The following FMN2 variants were observed in gnomAD, a reference collection of about 807,000 sequenced individuals.
FMN2 encodes formin 2, also known as formin-2.
A neutral mutation model predicts 142.3 loss-of-function variants in FMN2; 51 were observed. The ratio of observed to expected loss-of-function variants is 0.36; its 90% CI spans 0.29 to 0.45. The LOEUF is 0.45. FMN2 is among the 20% of genes least tolerant of loss of function. FMN2 has a pLI of 1.00. For synonymous variants in FMN2, 882 were observed against 869.8 expected, an observed-to-expected ratio of 1.01 and a Z score of -0.25; for missense variants, 1,936 against 2,122.8, an observed-to-expected ratio of 0.91 and a Z score of 1.73.
chr1:240,299,681 G>A (rs923199444), intron 8 of FMN2, among the ~76,000 whole-genome samples: 1 of 152,018 alleles, frequency 6.6e-6, no homozygotes. Context: ...GGAGCCCCTG[G>A]AATTGCTAAG....
rs555149894 is a variant in FMN2, at chr1:240,469,727, C to A, written c.5061-2645C>A. 2.6e-5 allele frequency among the ~76,000 whole-genome samples: 4 copies of A among 152,316 alleles called. No individual in the cohort carries two copies. The South Asian group carries it at 8.3e-4, about 32-fold the overall frequency. ...CCCAGCCTTCCCACCCAGGATCCTC[C>A]TCCAGGACACAGTTGTACCTTATAC... On this transcript the variant is annotated intron_variant, in intron 16 of 17. Coordinates refer to ENST00000319653, the MANE Select transcript of FMN2 (RefSeq NM_020066.5).
chr1:240,143,191 CA>C, intron 2 of FMN2: 1 of 1,589,286 alleles, frequency 6.3e-7, no homozygotes, highest in Non-Finnish European at 8.6e-7. Context: ...TTATTGGTAC[CA>C]CTGCCCACCA....
chr1:240,357,384 G>A (rs1386315525), intron 14 of FMN2, among the ~76,000 whole-genome samples: 2 of 152,134 alleles, frequency 1.3e-5, no homozygotes, highest in Non-Finnish European at 1.5e-5. Flanking sequence ...TTTCCATACT[G>A]AATAGTGAAA....
chr1:240,236,786 A>G (rs1301615835), intron 6 of FMN2, among the ~76,000 whole-genome samples: 1 of 152,224 alleles, frequency 6.6e-6, no homozygotes, highest in African/African-American at 2.4e-5. Context: ...CCCATGACCC[A>G]GTCACCTCTC....
intron 15 of FMN2, among the ~76,000 whole-genome samples, chr1:240,404,406 G>A (rs1055707470): frequency 2.6e-5 from 4 of 152,208 alleles, no homozygotes; most frequent in East Asian, 1.9e-4. Flanking sequence ...TAGGCTGGCC[G>A]ACCAGGCAGG....
At position 240,093,734 on chromosome 1, in the gene FMN2, C is replaced by G. The variant is rs780352289; in HGVS notation, c.1615+10C>G. 3 of 1,316,348 alleles carry G rather than the reference C, an allele frequency of 2.3e-6. No homozygotes were observed. In the Admixed American group the frequency reaches 1.1e-4, roughly 49 times the overall value. The allele number at this position is 1,316,348 out of a possible 1,614,324, so 81.5% of individuals were successfully genotyped here. ...CAGAACGTGTTCACAGGTGAGCGCG[C>G]CCTGCTGCTGGCCTCCGGGTCTCAA... On this transcript the variant is annotated intron_variant, in intron 1 of 17. Transcript: ENST00000319653.
intron 1 of FMN2, among the ~76,000 whole-genome samples, chr1:240,110,270 T>C (rs1661763301): frequency 6.6e-6 from 1 of 152,020 alleles, no homozygotes. Context: ...TTTCTAATCT[T>C]ATGACTTCGG....
intron 7 of FMN2, among the ~76,000 whole-genome samples, chr1:240,285,793 C>A (rs535236605): frequency 6.6e-4 from 100 of 152,278 alleles, no homozygotes; most frequent in Non-Finnish European, 1.1e-3. Context: ...AGAGCAAAGA[C>A]TTGATGAGTG....
intron 8 of FMN2, among the ~76,000 whole-genome samples, chr1:240,297,104 T>C (rs1183588234): frequency 6.6e-6 from 1 of 152,128 alleles, no homozygotes; most frequent in Non-Finnish European, 1.5e-5. Flanking sequence ...TGATTTAAGA[T>C]GTTGGTGTGT....
intron 15 of FMN2, among the ~76,000 whole-genome samples, chr1:240,435,171 A>G (rs1320445549): frequency 1.4e-5 from 2 of 144,442 alleles, no homozygotes; most frequent in Non-Finnish European, 2.9e-5. Context: ...GTGAATACAT[A>G]TATTACTACT....
At chr1:240,241,558 A>AT (rs956039251) in intron 6 of FMN2, among the ~76,000 whole-genome samples, 1 of 152,060 alleles carries the variant, frequency 6.6e-6, no homozygotes, top group Admixed American at 6.6e-5. Context: ...TCTTTCAGCC[A>AT]TTTTTCATAC....
intron 2 of FMN2, among the ~76,000 whole-genome samples, chr1:240,147,987 G>A (rs1423474897): frequency 6.6e-6 from 1 of 152,230 alleles, no homozygotes; most frequent in African/African-American, 2.4e-5. Context: ...CATGGAAGCT[G>A]CTCTTGTCTT....
chr1:240,456,630 A>G (rs1419661269), intron 16 of FMN2, among the ~76,000 whole-genome samples: 1 of 152,044 alleles, frequency 6.6e-6, no homozygotes, highest in Non-Finnish European at 1.5e-5. Context: ...CTAACTTTGT[A>G]TTTTTAGTAG....
chr1:240,355,768 G>T (rs745508815), intron 13 of FMN2, 48 bp from the exon 14 acceptor site: 2 of 1,369,286 alleles, frequency 1.5e-6, no homozygotes, highest in Non-Finnish European at 2.1e-6. Flanking sequence ...TTGCCTTAAT[G>T]CTCCACTAAC....
chr1:240,261,150 T>C (rs1490443194), intron 7 of FMN2, among the ~76,000 whole-genome samples: 1 of 152,218 alleles, frequency 6.6e-6, no homozygotes, highest in Non-Finnish European at 1.5e-5. Context: ...TTTTGGTGAC[T>C]ATGGCCTTAT....
At chr1:240,460,159 T>C (rs544293527) in intron 16 of FMN2, among the ~76,000 whole-genome samples, 1 of 152,370 alleles carries the variant, frequency 6.6e-6, no homozygotes, top group East Asian at 1.9e-4. Context: ...CGACTACTTT[T>C]GCTTGAAAAG....
chr1:240,360,799 G>T (rs901061947), intron 14 of FMN2, among the ~76,000 whole-genome samples: 6 of 152,058 alleles, frequency 3.9e-5, no homozygotes, highest in African/African-American at 1.4e-4. Flanking sequence ...CCATAAAAAA[G>T]GATGAGTTCA....
chr1:240,293,402 C>G (rs1000567861), intron 7 of FMN2, among the ~76,000 whole-genome samples: 1 of 152,014 alleles, frequency 6.6e-6, no homozygotes, highest in Non-Finnish European at 1.5e-5. Context: ...AATCAGAAAC[C>G]TTTGGATTCA....
intron 7 of FMN2, among the ~76,000 whole-genome samples, chr1:240,281,173 T>G (rs1669385974): frequency 6.6e-6 from 1 of 152,172 alleles, no homozygotes; most frequent in East Asian, 1.9e-4. Flanking sequence ...ATGCTTGAGA[T>G]GTACCAGTGT....
Sources: gnomAD v4.1 joint callset for allele counts (sites outside exome capture counted in the v4.1 genomes callset) on GRCh38, gnomAD v4.1.1 for gene constraint, MANE v1.5 for transcripts, NCBI Gene and HGNC (gene_info 2026-07-23, HGNC 2026-07-21) for gene names.